CTNNA2: variants seen among roughly 807,000 people sequenced by gnomAD.
CTNNA2 encodes catenin alpha-2.
In CTNNA2, 42 loss-of-function variants were observed where a neutral mutation model predicts 101.0. The ratio of observed to expected loss-of-function variants is 0.42; its 90% CI spans 0.32 to 0.54. The LOEUF is 0.54. CTNNA2 is among the 20% of genes least tolerant of loss of function. The pLI, the probability that CTNNA2 is intolerant of heterozygous loss-of-function variation, is 0.14. For missense variants in CTNNA2, 871 were observed against 1,223.1 expected, an observed-to-expected ratio of 0.71 and a Z score of 4.29; for synonymous variants, 450 against 456.4, an observed-to-expected ratio of 0.99 and a Z score of 0.18.
chr2:79,912,784 G>A (rs192914405), intron 7 of CTNNA2, among the ~76,000 whole-genome samples: 2 of 152,304 alleles, frequency 1.3e-5, no homozygotes, highest in Non-Finnish European at 2.9e-5. Context: ...TGGGATGAGT[G>A]CCGTCAGTGT....
At chr2:80,150,913 G>A (rs186698510) in intron 7 of CTNNA2, among the ~76,000 whole-genome samples, 1 of 152,288 alleles carries the variant, frequency 6.6e-6, no homozygotes, top group Admixed American at 6.5e-5. Context: ...GGGCAGGTAA[G>A]CTGCTGGATG....
intron 6 of CTNNA2, among the ~76,000 whole-genome samples, chr2:79,887,387 C>A (rs1023550891): frequency 1.2e-4 from 18 of 152,138 alleles, no homozygotes; most frequent in African/African-American, 4.1e-4. Context: ...AATTAAAAAA[C>A]CAAACATTTT....
At chr2:79,273,673 G>GA (rs1675139960) in intron 2 of CTNNA2, among the ~76,000 whole-genome samples, 1 of 152,028 alleles carries the variant, frequency 6.6e-6, no homozygotes, top group Non-Finnish European at 1.5e-5. Flanking sequence ...CAATTCTGAT[G>GA]TTAGTTCTGT....
chr2:79,488,904 C>A (rs1240753847), intron 4 of CTNNA2, among the ~76,000 whole-genome samples: 6 of 152,150 alleles, frequency 3.9e-5, no homozygotes, highest in Non-Finnish European at 7.3e-5. Flanking sequence ...CACTACCATT[C>A]TATTGAAATT....
chr2:80,387,213 C>T (rs11689963), intron 7 of CTNNA2, among the ~76,000 whole-genome samples: 9,060 of 151,946 alleles, frequency 0.06, 346 homozygotes, highest in Non-Finnish European at 0.087. Context: ...GGCATGAACC[C>T]GGGAGGCGGA....
intron 1 of CTNNA2, among the ~76,000 whole-genome samples, chr2:79,556,293 C>A (rs1204558263): frequency 6.6e-6 from 1 of 151,898 alleles, no homozygotes; most frequent in Non-Finnish European, 1.5e-5. Flanking sequence ...AGGAGTGAGC[C>A]CTTAGTTGAG....
rs188284677 is a variant in CTNNA2 at position 80,272,303 on chromosome 2, G to A, written c.1057-120908G>A. ...CTCAGGATTTCTGGAAACTCACTCC[G>A]GGGATGAAGGAGGAACAAAAATACC... On this transcript the variant is annotated intron_variant, in intron 7 of 18. Transcript: ENST00000402739. Among the ~76,000 whole-genome samples, 142 of 152,272 alleles carry A rather than the reference G, an allele frequency of 9.3e-4. 1 individual carries two copies. Among genetic ancestry groups the A allele is most frequent in the Admixed American group, 1.2e-3 (19 of 15,290 alleles).
chr2:79,212,719 A>C (rs200846564), intron 2 of CTNNA2, among the ~76,000 whole-genome samples: 1 of 152,116 alleles, frequency 6.6e-6, no homozygotes, highest in African/African-American at 2.4e-5. Flanking sequence ...CAGACCCTGT[A>C]GGAAAGGCCT....
At chr2:80,605,679 AAAAC>A (rs1697940281) in intron 16 of CTNNA2, 2 of 152,080 alleles carry the variant, frequency 1.3e-5, no homozygotes, top group South Asian at 2.1e-4. Flanking sequence ...CTGAAAAAAC[AAAAC>A]AAACAAAACC....
At chr2:79,451,465 T>A (rs1044793035) in intron 4 of CTNNA2, among the ~76,000 whole-genome samples, 7 of 151,516 alleles carry the variant, frequency 4.6e-5, no homozygotes, top group Non-Finnish European at 7.4e-5. Flanking sequence ...ATGAGAACTT[T>A]AAAAAAAAAC....
At chr2:80,643,837 A>C (rs1025152704) in intron 18 of CTNNA2, among the ~76,000 whole-genome samples, 6 of 152,170 alleles carry the variant, frequency 3.9e-5, no homozygotes, top group Non-Finnish European at 8.8e-5. Context: ...AGAACAAGGA[A>C]GGGCTGAGCT....
intron 2 of CTNNA2, chr2:79,687,689 G>T: frequency 1.9e-6 from 1 of 535,952 alleles, no homozygotes; most frequent in South Asian, 2.6e-5. Flanking sequence ...TTAAAAAACT[G>T]GATGAAATAT....
At chr2:79,337,439 T>C (rs938746611) in intron 3 of CTNNA2, among the ~76,000 whole-genome samples, 3 of 152,134 alleles carry the variant, frequency 2.0e-5, no homozygotes, top group East Asian at 1.9e-4. Flanking sequence ...CCAACAAATA[T>C]ATTAAAAAAT....
At chr2:80,053,545 A>G (rs1697015750) in intron 7 of CTNNA2, among the ~76,000 whole-genome samples, 1 of 152,206 alleles carries the variant, frequency 6.6e-6, no homozygotes, top group South Asian at 2.1e-4. Context: ...TGGACTAATG[A>G]CGCCTTTCGT....
At chr2:79,409,133 T>C (rs1287350894) in intron 4 of CTNNA2, among the ~76,000 whole-genome samples, 6 of 152,166 alleles carry the variant, frequency 3.9e-5, no homozygotes, top group Admixed American at 3.9e-4. Context: ...TTTGCCCACT[T>C]TTTGTTGGGG....
chr2:79,583,782 C>T (rs1268048769), intron 1 of CTNNA2, among the ~76,000 whole-genome samples: 1 of 152,136 alleles, frequency 6.6e-6, no homozygotes, highest in East Asian at 1.9e-4. Flanking sequence ...TTACTAATGA[C>T]TTGGAGACTC....
intron 2 of CTNNA2, among the ~76,000 whole-genome samples, chr2:79,270,033 T>C (rs1178123817): frequency 6.6e-6 from 1 of 152,112 alleles, no homozygotes; most frequent in Non-Finnish European, 1.5e-5. Flanking sequence ...CCACTTATTG[T>C]CTGTGATTTT....
At chr2:79,604,712 C>T (rs1016377005) in intron 1 of CTNNA2, among the ~76,000 whole-genome samples, 3 of 152,120 alleles carry the variant, frequency 2.0e-5, no homozygotes, top group African/African-American at 7.2e-5. Context: ...TTGGGTCTAA[C>T]AAATGTTTAC....
rs530206092 is a variant in CTNNA2, at chr2:79,224,524, G to A, written c.-406+26448G>A. ...TTTTTGATAAATTTCAATGTAAGTT[G>A]CAGACATATATACAAATATTTTACT... On this transcript the variant is annotated intron_variant, in intron 2 of 21. Coordinates refer to the CTNNA2 transcript ENST00000466387. 5.6e-4 allele frequency among the ~76,000 whole-genome samples: 85 copies of A among 152,110 alleles called. 1 individual carries two copies. Among genetic ancestry groups the A allele is most frequent in the African/African-American group, 2.0e-3 (81 of 41,514 alleles).
Sources: allele counts gnomAD v4.1 joint callset (sites outside exome capture counted in the v4.1 genomes callset), GRCh38; gene constraint gnomAD v4.1.1; transcripts MANE v1.5; gene names NCBI Gene and HGNC (gene_info 2026-07-23, HGNC 2026-07-21).